TRPM3: variants seen among roughly 807,000 people sequenced by gnomAD.
TRPM3 encodes the protein long transient receptor potential channel 3.
TRPM3 carries 77 observed loss-of-function variants against 181.2 expected under a neutral mutation model. That is an observed-to-expected ratio of 0.42 (90% CI 0.35 to 0.51). The LOEUF (loss-of-function observed/expected upper bound fraction) is 0.51. Among genes scored for constraint, TRPM3 ranks in the 20% least tolerant of loss-of-function variants. The pLI is 0.01. For missense variants in TRPM3, 1,759 were observed against 2,196.7 expected, an observed-to-expected ratio of 0.80 and a Z score of 3.98; for synonymous variants, 745 against 796.4, an observed-to-expected ratio of 0.94 and a Z score of 1.09.
At chr9:71,076,124 AGTG>A (rs1295777154) in intron 1 of TRPM3, among the ~76,000 whole-genome samples, 1 of 152,176 alleles carries the variant, frequency 6.6e-6, no homozygotes, top group Non-Finnish European at 1.5e-5. Flanking sequence ...AGACATAACT[AGTG>A]GTGGGCTGGA....
chr9:70,987,208 A>C (rs1229602045), intron 1 of TRPM3, among the ~76,000 whole-genome samples: 1 of 152,106 alleles, frequency 6.6e-6, no homozygotes, highest in Non-Finnish European at 1.5e-5. Flanking sequence ...ATGACAACAA[A>C]AACAGCCATA....
intron 1 of TRPM3, among the ~76,000 whole-genome samples, chr9:71,199,871 C>T (rs2131720959): frequency 6.6e-6 from 1 of 152,082 alleles, no homozygotes; most frequent in Non-Finnish European, 1.5e-5. Context: ...TCTCTATTTC[C>T]TTCAGTTCTG....
chr9:71,079,072 T>C (rs906511475), intron 1 of TRPM3, among the ~76,000 whole-genome samples: 2 of 152,106 alleles, frequency 1.3e-5, no homozygotes, highest in African/African-American at 2.4e-5. Context: ...CTGCCTTGAA[T>C]TCTTGGGGAG....
intron 1 of TRPM3, among the ~76,000 whole-genome samples, chr9:71,282,231 AAAAG>A (rs1415461564): frequency 8.0e-6 from 1 of 124,642 alleles, no homozygotes; most frequent in Admixed American, 7.3e-5. Context: ...GAAAGAAAGA[AAAAG>A]AAAGAATGAA....
chr9:70,642,350 A>T (rs1456188419), intron 9 of TRPM3, among the ~76,000 whole-genome samples: 1 of 152,228 alleles, frequency 6.6e-6, no homozygotes, highest in East Asian at 1.9e-4. Flanking sequence ...AGTCAGATCC[A>T]GAGAATTCCT....
At chr9:71,204,947 G>C (rs557884205) in intron 1 of TRPM3, among the ~76,000 whole-genome samples, 1 of 151,998 alleles carries the variant, frequency 6.6e-6, no homozygotes, top group African/African-American at 2.4e-5. Context: ...ATCATTCTCC[G>C]TAAACTATCG....
chr9:71,129,298 TA>T lies in TRPM3; in HGVS notation c.184-264788del, dbSNP rs1368909481. Among the ~76,000 whole-genome samples the T allele has an allele frequency of 2.0e-5, 3 of 152,162 alleles. No individual in the cohort carries two copies. In the East Asian group the frequency reaches 5.8e-4, roughly 29 times the overall value. On this transcript the variant is annotated intron_variant, in intron 1 of 24. Coordinates refer to the TRPM3 transcript ENST00000357533. ...GTTTTTCTCCTGATGAGGCATAAAA[TA>T]AATGCAAACTACATGGATTTTGAAA...
intron 6 of TRPM3, among the ~76,000 whole-genome samples, chr9:70,819,788 A>C (rs528525269): frequency 1.3e-4 from 20 of 152,354 alleles, no homozygotes; most frequent in Middle Eastern, 3.4e-3. Context: ...GAAATTTCCT[A>C]TACCCAAGGT....
Position 70,639,061 on chromosome 9 carries a change from G to C in TRPM3, c.1580C>G (p.Thr527Arg). ...TISRLEELYN[T>R]RHGPSNTLYH... Reference sequence around the variant, plus strand: ...AAAAGTGCCTTAGTTTGGCCCTACCGTATTGTACAATTCCTCTAGTCTGGA... The same window carrying C: ...AAAAGTGCCTTAGTTTGGCCCTACCCTATTGTACAATTCCTCTAGTCTGGA... Residue 527 changes from threonine to arginine, a missense_variant and splice_region_variant, in exon 11 of 26, where the codon ACG (threonine) becomes AGG (arginine). Around this residue, in one of 8 missense-constraint regions of TRPM3, gnomAD observed 737 missense variants for 957.4 expected, o/e 0.77. Transcript: ENST00000677713. 6.2e-7 allele frequency: 1 copy of C among 1,613,676 alleles called. No individual in the cohort carries two copies. The highest frequency in any genetic ancestry group is 8.5e-7 in the Non-Finnish European group (1 of 1,179,770).
intron 8 of TRPM3, among the ~76,000 whole-genome samples, chr9:70,738,273 T>C (rs530687995): frequency 2.0e-5 from 3 of 152,326 alleles, no homozygotes; most frequent in Non-Finnish European, 4.4e-5. Context: ...TGAATGATTA[T>C]TGGGTGAACC....
chr9:70,646,242 A>T (rs1354765400), intron 9 of TRPM3, among the ~76,000 whole-genome samples: 1 of 152,282 alleles, frequency 6.6e-6, no homozygotes, highest in East Asian at 1.9e-4. Flanking sequence ...CCAAAGGATT[A>T]TAAATCATTC....
At position 71,408,005 on chromosome 9, in the gene TRPM3, T is replaced by C. The variant is rs530459119; in HGVS notation, c.183+38648A>G. 7.2e-5 allele frequency among the ~76,000 whole-genome samples: 11 copies of C among 152,220 alleles called. No individual in the cohort carries two copies. In the East Asian group the frequency reaches 2.1e-3, roughly 30 times the overall value. ...CAAATTCCAACAGACCTGCAGATAA[T>C]GGTCCTGACTGTTAGAAGGAAAACT... On this transcript the variant is annotated intron_variant, in intron 1 of 24. Transcript: ENST00000357533.
chr9:71,338,746 T>C (rs1459507528), intron 1 of TRPM3, among the ~76,000 whole-genome samples: 4 of 152,156 alleles, frequency 2.6e-5, no homozygotes, highest in African/African-American at 7.2e-5. Flanking sequence ...AATAGATGGA[T>C]ACTTCCTTGC....
chr9:71,262,469 T>C (rs2083126231), intron 1 of TRPM3, among the ~76,000 whole-genome samples: 1 of 152,190 alleles, frequency 6.6e-6, no homozygotes, highest in Non-Finnish European at 1.5e-5. Context: ...GGGTGGGATC[T>C]GCTTAGCAAG....
chr9:71,068,406 G>A (rs2062227162), intron 1 of TRPM3, among the ~76,000 whole-genome samples: 1 of 152,206 alleles, frequency 6.6e-6, no homozygotes, highest in African/African-American at 2.4e-5. Flanking sequence ...CCTGAACACA[G>A]CCAGGGTGCC....
At chr9:71,199,733 T>TTTTTC (rs956888119) in intron 1 of TRPM3, among the ~76,000 whole-genome samples, 7 of 151,848 alleles carry the variant, frequency 4.6e-5, no homozygotes, top group Admixed American at 4.6e-4. Context: ...CCTTTATCAT[T>TTTTTC]TTTTTTGCGT....
At chr9:70,563,742 G>A (rs917045372) in intron 22 of TRPM3, among the ~76,000 whole-genome samples, 5 of 152,172 alleles carry the variant, frequency 3.3e-5, no homozygotes, top group African/African-American at 9.7e-5. Flanking sequence ...GAGAGAGCAA[G>A]AGAGAAAGAG....
chr9:71,065,388 C>T (rs2061799017), intron 1 of TRPM3, among the ~76,000 whole-genome samples: 1 of 152,026 alleles, frequency 6.6e-6, no homozygotes, highest in Non-Finnish European at 1.5e-5. Context: ...AAAATTATTC[C>T]TTCTTAAATA....
chr9:71,066,022 C>G (rs1034108407), intron 1 of TRPM3, among the ~76,000 whole-genome samples: 2 of 152,104 alleles, frequency 1.3e-5, no homozygotes, highest in African/African-American at 4.8e-5. Flanking sequence ...GTCTATGCAT[C>G]AGTACTTCTC....
Sources: gnomAD v4.1 joint callset for allele counts (sites outside exome capture counted in the v4.1 genomes callset) on GRCh38, gnomAD v4.1.1 for gene constraint, gnomAD v4.1.1 regional missense constraint, MANE v1.5 for transcripts, NCBI Gene and HGNC (gene_info 2026-07-23, HGNC 2026-07-21) for gene names.